The following CDH18 variants were observed in gnomAD, a reference collection of about 807,000 sequenced individuals.
The protein encoded by CDH18 is cadherin-18.
Under a neutral mutation model 67.9 loss-of-function variants are expected in CDH18, and 31 were observed. That is an observed-to-expected ratio of 0.46 (90% CI 0.34 to 0.62). The LOEUF is 0.62. Ranked by LOEUF, CDH18 falls within the 20% of genes least tolerant of loss-of-function variation. CDH18 has a pLI of 0.01. For missense variants in CDH18, 890 were observed against 975.5 expected, an observed-to-expected ratio of 0.91 and a Z score of 1.17; for synonymous variants, 362 against 347.2, an observed-to-expected ratio of 1.04 and a Z score of -0.48.
intron 2 of CDH18, among the ~76,000 whole-genome samples, chr5:19,926,284 T>G (rs1793080800): frequency 6.6e-6 from 1 of 152,184 alleles, no homozygotes; most frequent in Admixed American, 6.6e-5. Flanking sequence ...TTGAAATACT[T>G]TTAAAACTAT....
At chr5:20,558,045 T>A (rs181485558) in intron 1 of CDH18, among the ~76,000 whole-genome samples, 22 of 148,360 alleles carry the variant, frequency 1.5e-4, no homozygotes, top group African/African-American at 5.2e-4. Flanking sequence ...ATAACATTAA[T>A]TGTTATATAA....
At chr5:20,020,482 G>A (rs1035690910) in intron 2 of CDH18, among the ~76,000 whole-genome samples, 19 of 152,116 alleles carry the variant, frequency 1.2e-4, no homozygotes, top group African/African-American at 4.6e-4. Context: ...TGCAGGCAGG[G>A]CTCAGGAACC....
At chr5:19,795,677 G>A (rs1273811136) in intron 3 of CDH18, among the ~76,000 whole-genome samples, 1 of 151,788 alleles carries the variant, frequency 6.6e-6, no homozygotes, top group Non-Finnish European at 1.5e-5. Flanking sequence ...AAATGTCTGG[G>A]AACTAAAAAG....
intron 1 of CDH18, among the ~76,000 whole-genome samples, chr5:20,452,984 G>A (rs1006325147): frequency 3.3e-5 from 5 of 152,086 alleles, no homozygotes; most frequent in African/African-American, 4.8e-5. Context: ...GAAAGACCAA[G>A]TCATTATAAT....
chr5:20,298,907 G>C lies in CDH18; in HGVS notation c.-579-43402C>G, dbSNP rs373448342. On this transcript the variant is annotated intron_variant, in intron 1 of 14. Transcript: ENST00000507958. ...TAAGAAGAAAGCATTTTTAGAAAGA[G>C]AACAATGCGCACAAAGACACCTAGA... Among the ~76,000 whole-genome samples the C allele has an allele frequency of 1.2e-4, 18 of 152,188 alleles. No individual in the cohort carries two copies. The South Asian group carries it at 3.7e-3, about 32-fold the overall frequency.
intron 1 of CDH18, among the ~76,000 whole-genome samples, chr5:20,385,175 T>C (rs1744217792): frequency 1.3e-5 from 2 of 152,092 alleles, no homozygotes; most frequent in Admixed American, 1.3e-4. Flanking sequence ...TATCTACTCT[T>C]AAAAATTGTT....
At chr5:20,415,243 C>T (rs1205796754) in intron 1 of CDH18, among the ~76,000 whole-genome samples, 1 of 151,854 alleles carries the variant, frequency 6.6e-6, no homozygotes, top group African/African-American at 2.4e-5. Flanking sequence ...AAAAATTAGC[C>T]ATGCATGGTG....
chr5:19,994,572 C>T (rs1326506657), intron 2 of CDH18, among the ~76,000 whole-genome samples: 1 of 148,962 alleles, frequency 6.7e-6, no homozygotes, highest in Non-Finnish European at 1.5e-5. Context: ...TTTCTCAAAA[C>T]TCATGATTAC....
chr5:20,169,002 G>A (rs1561845852), intron 2 of CDH18, among the ~76,000 whole-genome samples: 1 of 152,092 alleles, frequency 6.6e-6, no homozygotes, highest in African/African-American at 2.4e-5. Context: ...GGCTAGGGTT[G>A]GGAAGTGGGG....
At chr5:20,521,120 A>G (rs966545085) in intron 1 of CDH18, among the ~76,000 whole-genome samples, 1 of 152,210 alleles carries the variant, frequency 6.6e-6, no homozygotes, top group Non-Finnish European at 1.5e-5. Context: ...CCCAGATATT[A>G]CACCAGTACT....
intron 2 of CDH18, among the ~76,000 whole-genome samples, chr5:20,180,944 T>A (rs1037699733): frequency 2.0e-5 from 3 of 152,118 alleles, no homozygotes; most frequent in Non-Finnish European, 4.4e-5. Flanking sequence ...ATGAAACCAG[T>A]GAGCTTCTCC....
chr5:19,832,485 A>C (rs1218756741), intron 3 of CDH18, among the ~76,000 whole-genome samples: 1 of 152,106 alleles, frequency 6.6e-6, no homozygotes, highest in Non-Finnish European at 1.5e-5. Context: ...TAGAAAAGAT[A>C]CTTCTCAGCT....
rs1395646793 is a variant in CDH18, at chr5:20,172,526, T to C, written c.-518+82918A>G. On this transcript the variant is annotated intron_variant, in intron 2 of 14. Transcript: ENST00000507958. ...AAATGACAGAATTTAAAGTGTGACT[T>C]ATGAGGCCACAGTGGTTTTCTTGTG... is the stretch of plus-strand genomic sequence containing the variant. Among the ~76,000 whole-genome samples, 12 of 151,936 alleles carry C rather than the reference T, an allele frequency of 7.9e-5. No individual in the cohort carries two copies. In the East Asian group the frequency reaches 2.3e-3, roughly 30 times the overall value.
intron 2 of CDH18, among the ~76,000 whole-genome samples, chr5:20,252,194 T>C (rs1052082419): frequency 6.6e-6 from 1 of 151,786 alleles, no homozygotes; most frequent in Non-Finnish European, 1.5e-5. Context: ...CTACTAAAAA[T>C]ACAAAAAATA....
intron 2 of CDH18, among the ~76,000 whole-genome samples, chr5:19,896,644 T>A (rs1221400656): frequency 2.0e-5 from 3 of 152,200 alleles, no homozygotes; most frequent in Non-Finnish European, 4.4e-5. Context: ...TCCAGAACAG[T>A]GAAAACCAAT....
At chr5:19,702,172 G>GA (rs1763355994) in intron 5 of CDH18, among the ~76,000 whole-genome samples, 1 of 101,262 alleles carries the variant, frequency 9.9e-6, no homozygotes, top group Non-Finnish European at 1.9e-5. Flanking sequence ...TTTTTGAGAT[G>GA]GAGTCTCCCT....
At chr5:19,549,926 T>C (rs1167422412) in intron 8 of CDH18, among the ~76,000 whole-genome samples, 4 of 151,972 alleles carry the variant, frequency 2.6e-5, no homozygotes, top group African/African-American at 4.8e-5. Flanking sequence ...ATGAAGGACA[T>C]GGTATTTGAT....
intron 1 of CDH18, chr5:20,304,341 T>G: frequency 6.5e-7 from 1 of 1,528,482 alleles, no homozygotes; most frequent in Non-Finnish European, 9.1e-7. Flanking sequence ...TTAAATTCAT[T>G]ATCTTTCTTG....
intron 2 of CDH18, among the ~76,000 whole-genome samples, chr5:19,909,760 C>T (rs1301864331): frequency 6.6e-6 from 1 of 151,644 alleles, no homozygotes; most frequent in East Asian, 1.9e-4. Flanking sequence ...CTATCATTTC[C>T]TTCAGGTTTG....
Sources: gnomAD v4.1 joint callset for allele counts (sites outside exome capture counted in the v4.1 genomes callset) on GRCh38, gnomAD v4.1.1 for gene constraint, MANE v1.5 for transcripts, NCBI Gene and HGNC (gene_info 2026-07-23, HGNC 2026-07-21) for gene names.